Variants in MTREX observed in about 807,000 individuals in gnomAD.
MTREX encodes exosome RNA helicase MTR4.
Under a neutral mutation model 135.4 loss-of-function variants are expected in MTREX, and 76 were observed. The observed-to-expected ratio is 0.56, with a 90% CI of 0.47 to 0.68. MTREX has a LOEUF of 0.68. Ranked by LOEUF, MTREX falls within the 30% of genes least tolerant of loss-of-function variation. The pLI is 0.00. For missense variants in MTREX, 920 were observed against 1,262.1 expected, an observed-to-expected ratio of 0.73 and a Z score of 4.11; for synonymous variants, 404 against 401.6, an observed-to-expected ratio of 1.01 and a Z score of -0.07.
intron 10 of MTREX, 62 bp downstream of exon 10, chr5:55,345,258 A>T: frequency 9.3e-7 from 1 of 1,080,054 alleles, no homozygotes; most frequent in Non-Finnish European, 1.4e-6. Context: ...GATTACTCTG[A>T]TATTTTTTGT....
intron 1 of MTREX, among the ~76,000 whole-genome samples, chr5:55,316,153 C>T (rs973733725): frequency 6.6e-6 from 1 of 151,926 alleles, no homozygotes; most frequent in Non-Finnish European, 1.5e-5. Context: ...AATAGCCTAC[C>T]CACCAAAAAA....
At chr5:55,423,050 A>AC (rs759270332) in intron 26 of MTREX, 68 bp downstream of exon 26, 2 of 1,181,958 alleles carry the variant, frequency 1.7e-6, no homozygotes, top group South Asian at 2.6e-5. Flanking sequence ...TGAGCCCTGG[A>AC]CCACAACCTA....
Position 55,401,831 on chromosome 5 carries a change from T to C in MTREX, c.2481+1410T>C, listed in dbSNP as rs556153908. On this transcript the variant is annotated intron_variant, in intron 21 of 26. Coordinates refer to ENST00000230640, the MANE Select transcript of MTREX (RefSeq NM_015360.5). ...ACAATCCTTTCCACTACCTACTTTT[T>C]TTCAACTGGAATGTATTATACTATA... 2.6e-5 allele frequency among the ~76,000 whole-genome samples: 4 copies of C among 152,338 alleles called. No individual in the cohort carries two copies. In the East Asian group the frequency reaches 7.7e-4, roughly 29 times the overall value.
rs1751136212 is a variant in MTREX at position 55,425,077 on chromosome 5, C to G, written c.*305C>G. The G allele has an allele frequency of 2.4e-6, 3 of 1,241,670 alleles. No individual in the cohort carries two copies. The highest frequency in any genetic ancestry group is 3.4e-6 in the Non-Finnish European group (3 of 895,226). The allele number at this position is 1,241,670 out of a possible 1,614,324, so 76.9% of individuals were successfully genotyped here. On this transcript the variant is annotated 3_prime_UTR_variant, in exon 27 of 27. Coordinates refer to ENST00000230640, the MANE Select transcript of MTREX (RefSeq NM_015360.5). ...ACTATGTACACACAAAGTGTGCATC[C>G]AAGAGGCATAGCAGCAGCAGAAGTC...
At chr5:55,379,625 T>C (rs1285537660) in intron 18 of MTREX, among the ~76,000 whole-genome samples, 1 of 147,456 alleles carries the variant, frequency 6.8e-6, no homozygotes, top group Non-Finnish European at 1.5e-5. Flanking sequence ...GAGAGACACA[T>C]GCATTGTTTT....
intron 14 of MTREX, among the ~76,000 whole-genome samples, chr5:55,358,108 G>A (rs760209886): frequency 3.3e-5 from 5 of 152,074 alleles, no homozygotes; most frequent in Admixed American, 2.0e-4. Context: ...AGGCTGAGGC[G>A]GGCAGATCAC....
At chr5:55,385,173 T>C (rs994035356) in intron 18 of MTREX, among the ~76,000 whole-genome samples, 12 of 152,178 alleles carry the variant, frequency 7.9e-5, no homozygotes, top group African/African-American at 2.4e-5. Flanking sequence ...ATGCACACTT[T>C]TCTCTGAGTA....
intron 14 of MTREX, among the ~76,000 whole-genome samples, 198 bp from the exon 15 acceptor site, chr5:55,358,375 G>A (rs931639853): frequency 1.6e-4 from 24 of 151,920 alleles, no homozygotes; most frequent in African/African-American, 5.8e-4. Context: ...GTGTGATGTC[G>A]GTTTGAAACA....
intron 9 of MTREX, 89 bp from the exon 10 acceptor site, chr5:55,345,005 T>C (rs558222191): frequency 2.4e-4 from 181 of 756,488 alleles, no homozygotes; most frequent in Middle Eastern, 1.4e-3. Flanking sequence ...TACTAAATTA[T>C]TTTTATTTGG....
intron 4 of MTREX, 26 bp from the exon 5 acceptor site, chr5:55,328,673 C>A: frequency 1.4e-6 from 2 of 1,465,586 alleles, no homozygotes; most frequent in Non-Finnish European, 9.6e-7. Flanking sequence ...TGTTTTTATG[C>A]AGATATTAAT....
intron 14 of MTREX, chr5:55,356,493 G>T: frequency 4.9e-6 from 1 of 202,468 alleles, no homozygotes; most frequent in Non-Finnish European, 1.1e-5. Flanking sequence ...CTTCGTGGAT[G>T]AAGAGGCTGC....
chr5:55,380,096 C>A (rs1444139190), intron 18 of MTREX, among the ~76,000 whole-genome samples: 1 of 151,968 alleles, frequency 6.6e-6, no homozygotes, highest in Non-Finnish European at 1.5e-5. Flanking sequence ...CCACCAAGCC[C>A]AGCTAATTTT....
intron 13 of MTREX, among the ~76,000 whole-genome samples, chr5:55,351,692 A>G (rs1749830865): frequency 6.6e-6 from 1 of 152,238 alleles, no homozygotes; most frequent in Non-Finnish European, 1.5e-5. Flanking sequence ...GGTTAGACTT[A>G]GGAAAGAGAG....
At chr5:55,324,220 AAG>A (rs763356628) in intron 3 of MTREX, 22 bp downstream of exon 3, 63 of 1,569,442 alleles carry the variant, frequency 4.0e-5, no homozygotes, top group Non-Finnish European at 5.0e-5. Flanking sequence ...CAGCATACAG[AAG>A]GTTAGTGTTA....
intron 5 of MTREX, among the ~76,000 whole-genome samples, chr5:55,335,487 T>C (rs576133211): frequency 6.6e-6 from 1 of 152,186 alleles, no homozygotes; most frequent in Admixed American, 6.5e-5. Flanking sequence ...AGTTTTTCTG[T>C]AAGATGTGAG....
At chr5:55,328,642 G>A in intron 4 of MTREX, 57 bp from the exon 5 acceptor site, 1 of 1,200,510 alleles carries the variant, frequency 8.3e-7, no homozygotes, top group Non-Finnish European at 1.2e-6. Context: ...TTGATTTTAA[G>A]TATGCTCTGA....
chr5:55,401,072 T>C (rs1044473026), intron 21 of MTREX, among the ~76,000 whole-genome samples: 1 of 152,260 alleles, frequency 6.6e-6, no homozygotes. Flanking sequence ...TCCTGCTCCG[T>C]CACCCAGGCT....
intron 5 of MTREX, 43 bp from the exon 6 acceptor site, chr5:55,339,967 T>C (rs769721575): frequency 7.2e-7 from 1 of 1,392,298 alleles, no homozygotes; most frequent in Non-Finnish European, 9.4e-7. Context: ...AAAGTCATAA[T>C]TTAAAGGAAA....
intron 14 of MTREX, chr5:55,356,777 C>T (rs773812547): frequency 1.4e-4 from 22 of 153,310 alleles, no homozygotes; most frequent in Non-Finnish European, 2.9e-4. Flanking sequence ...GCACGGTATG[C>T]TGGTGTGCCA....
Sources: allele counts gnomAD v4.1 joint callset (sites outside exome capture counted in the v4.1 genomes callset), GRCh38; gene constraint gnomAD v4.1.1; transcripts MANE v1.5; gene names NCBI Gene and HGNC (gene_info 2026-07-23, HGNC 2026-07-21).